Variants in ATG5 observed in about 807,000 individuals in gnomAD.
ATG5 encodes the protein autophagy related 5.
ATG5 carries 14 observed loss-of-function variants against 36.5 expected under a neutral mutation model. That is an observed-to-expected ratio of 0.38 (90% confidence interval 0.25 to 0.60). ATG5 has a LOEUF of 0.60. Among genes scored for constraint, ATG5 ranks in the 20% least tolerant of loss-of-function variants. ATG5 has a pLI of 0.60. For synonymous variants in ATG5, 95 were observed against 101.5 expected (o/e 0.94, Z 0.38); for missense variants, 195 against 326.7 (o/e 0.60, Z 3.11).
intron 4 of ATG5, among the ~76,000 whole-genome samples, chr6:106,292,579 C>T (rs1173919063): frequency 1.3e-5 from 2 of 152,198 alleles, no homozygotes; most frequent in African/African-American, 4.8e-5. Flanking sequence ...ACTTCCATAT[C>T]CACATCTACA....
chr6:106,198,995 GA>G (rs1175513491), intron 7 of ATG5, among the ~76,000 whole-genome samples: 2 of 152,084 alleles, frequency 1.3e-5, no homozygotes, highest in Admixed American at 6.5e-5. Flanking sequence ...ATAAGCACAT[GA>G]AAACATGTTC....
chr6:106,197,719 G>A (rs1318885279), intron 7 of ATG5, among the ~76,000 whole-genome samples: 1 of 152,102 alleles, frequency 6.6e-6, no homozygotes, highest in African/African-American at 2.4e-5. Flanking sequence ...CTTCCACCAT[G>A]AGCAGAAGCA....
chr6:106,295,738 A>AT (rs1284459759), intron 3 of ATG5, among the ~76,000 whole-genome samples: 2 of 151,628 alleles, frequency 1.3e-5, no homozygotes, highest in Non-Finnish European at 2.9e-5. Context: ...TAATTATTTT[A>AT]TTTTTTATAG....
At chr6:106,267,227 T>C (rs1779262059) in intron 5 of ATG5, among the ~76,000 whole-genome samples, 1 of 152,088 alleles carries the variant, frequency 6.6e-6, no homozygotes, top group African/African-American at 2.4e-5. Context: ...AAATCATGAG[T>C]GAACTCCCAT....
At chr6:106,187,107 G>C (rs902799782) in intron 7 of ATG5, among the ~76,000 whole-genome samples, 1 of 152,172 alleles carries the variant, frequency 6.6e-6, no homozygotes, top group African/African-American at 2.4e-5. Context: ...AATGTGACTA[G>C]AAATCAAGAA....
intron 6 of ATG5, among the ~76,000 whole-genome samples, chr6:106,245,003 ATAACATTTTGGTTACATTCTG>A (rs1778275302): frequency 6.6e-6 from 1 of 152,234 alleles, no homozygotes; most frequent in South Asian, 2.1e-4. Flanking sequence ...CAAGTGCTAA[ATAACATTTTGGTTACATTCTG>A]TAACATTTCC....
chr6:106,204,246 AAAAAT>A (rs1331057069), intron 6 of ATG5, among the ~76,000 whole-genome samples: 1 of 152,174 alleles, frequency 6.6e-6, no homozygotes, highest in Non-Finnish European at 1.5e-5. Context: ...AAAAATAAAT[AAAAAT>A]AAGTAGAAAA....
intron 1 of ATG5, among the ~76,000 whole-genome samples, chr6:106,320,001 T>A (rs150694586): frequency 6.6e-6 from 1 of 152,240 alleles, no homozygotes; most frequent in African/African-American, 2.4e-5. Context: ...AGAAACACTA[T>A]ACATTTTACA....
At chr6:106,281,858 T>C (rs1480928996) in intron 4 of ATG5, among the ~76,000 whole-genome samples, 1 of 152,220 alleles carries the variant, frequency 6.6e-6, no homozygotes, top group Admixed American at 6.5e-5. Context: ...TTTTTCATTT[T>C]AGTCATTCTA....
At chr6:106,305,214 A>G (rs1770396211) in intron 3 of ATG5, among the ~76,000 whole-genome samples, 1 of 152,232 alleles carries the variant, frequency 6.6e-6, no homozygotes, top group African/African-American at 2.4e-5. Flanking sequence ...AAGAATTAAC[A>G]GTAAAGGAAA....
chr6:106,215,484 G>C (rs990914544), intron 6 of ATG5, among the ~76,000 whole-genome samples: 1 of 151,980 alleles, frequency 6.6e-6, no homozygotes, highest in Admixed American at 6.6e-5. Context: ...ACATCAAAGG[G>C]AAATTTCATA....
At chr6:106,209,942 C>A (rs1388923653) in intron 6 of ATG5, among the ~76,000 whole-genome samples, 5 of 152,172 alleles carry the variant, frequency 3.3e-5, no homozygotes, top group Non-Finnish European at 7.3e-5. Context: ...TCACCTGGAT[C>A]TTATTAAAAT....
In ATG5 at chr6:106,242,938, T is replaced by C. The variant is rs116294724; in HGVS notation, c.573+5212A>G. ...TGGAGGGGAAGAATCCTAACAAACATGGCCATAATTTGCCACATATTTCTA... is the reference window on the plus strand; with the variant it reads ...TGGAGGGGAAGAATCCTAACAAACACGGCCATAATTTGCCACATATTTCTA... On this transcript the variant is annotated intron_variant, in intron 6 of 7. Coordinates refer to ENST00000369076, the MANE Select transcript of ATG5 (RefSeq NM_004849.4). Among the ~76,000 whole-genome samples, 315 of 152,282 alleles carry C rather than the reference T, an allele frequency of 2.1e-3. 1 individual carries two copies. Among genetic ancestry groups the C allele is most frequent in the African/African-American group, 7.3e-3 (303 of 41,562 alleles).
intron 2 of ATG5, among the ~76,000 whole-genome samples, chr6:106,315,249 G>GC: frequency 6.6e-6 from 1 of 152,146 alleles, no homozygotes; most frequent in Non-Finnish European, 1.5e-5. Context: ...AACAGAAGAA[G>GC]CATTTCCTCA....
At chr6:106,306,515 G>C (rs928188497) in intron 3 of ATG5, among the ~76,000 whole-genome samples, 1 of 152,176 alleles carries the variant, frequency 6.6e-6, no homozygotes, top group Non-Finnish European at 1.5e-5. Context: ...CAGAGCTGCT[G>C]TTAAACATCC....
At chr6:106,303,364 A>G (rs1209190403) in intron 3 of ATG5, among the ~76,000 whole-genome samples, 1 of 152,124 alleles carries the variant, frequency 6.6e-6, no homozygotes, top group African/African-American at 2.4e-5. Flanking sequence ...CACTCAATGA[A>G]GAGGAAATAG....
At chr6:106,225,231 C>T (rs1582573410) in intron 6 of ATG5, among the ~76,000 whole-genome samples, 1 of 152,204 alleles carries the variant, frequency 6.6e-6, no homozygotes, top group Admixed American at 6.5e-5. Context: ...GGAATATAAA[C>T]TCAGAACTGC....
chr6:106,308,609 C>T (rs1295053947), intron 2 of ATG5, 118 bp from the exon 3 acceptor site: 12 of 778,344 alleles, frequency 1.5e-5, no homozygotes, highest in Non-Finnish European at 2.1e-5. Flanking sequence ...TTTTGAATAT[C>T]CCACACAAAG....
intron 5 of ATG5, among the ~76,000 whole-genome samples, chr6:106,259,504 C>G (rs1778929011): frequency 6.6e-6 from 1 of 152,154 alleles, no homozygotes; most frequent in African/African-American, 2.4e-5. Flanking sequence ...GCTAAAAATA[C>G]TGGTGAGAAT....
Sources: gnomAD v4.1 joint callset for allele counts (sites outside exome capture counted in the v4.1 genomes callset) on GRCh38, gnomAD v4.1.1 for gene constraint, MANE v1.5 for transcripts, NCBI Gene and HGNC (gene_info 2026-07-23, HGNC 2026-07-21) for gene names.